The following STXBP4 variants were observed in gnomAD, a reference collection of about 807,000 sequenced individuals.
STXBP4 encodes syntaxin binding protein 4.
STXBP4 carries 55 observed loss-of-function variants against 76.1 expected under a neutral mutation model. That is an observed-to-expected ratio of 0.72 (90% CI 0.58 to 0.91). STXBP4 has a LOEUF of 0.91. STXBP4 is among the 40% of genes least tolerant of loss of function. The pLI is 0.00. For synonymous variants in STXBP4, 201 were observed against 220.2 expected (o/e 0.91, Z 0.77); for missense variants, 618 against 636.9 (o/e 0.97, Z 0.32).
In STXBP4 at chr17:54,998,809, G is replaced by A. The variant is rs562882557; in HGVS notation, c.181-536G>A. Among the ~76,000 whole-genome samples the A allele has an allele frequency of 3.4e-4, 51 of 151,666 alleles. 2 individuals are homozygous for A. The highest frequency in any genetic ancestry group is 2.5e-4 in the Non-Finnish European group (17 of 67,898). On this transcript the variant is annotated intron_variant, in intron 4 of 17. Coordinates refer to ENST00000376352, the MANE Select transcript of STXBP4 (RefSeq NM_178509.6). ...GAGACCAGCCTGGGCAATGTAATGA[G>A]ACCTCATCTCTACAAAAAATTTTGA...
chr17:54,999,203 G>T (rs926700196), intron 4 of STXBP4, 142 bp from the exon 5 acceptor site: 3 of 595,688 alleles, frequency 5.0e-6, no homozygotes, highest in Non-Finnish European at 8.8e-6. Flanking sequence ...AAGAGATTTT[G>T]CTACTGAGGT....
intron 4 of STXBP4, among the ~76,000 whole-genome samples, chr17:54,998,739 A>C (rs2077856387): frequency 6.6e-6 from 1 of 152,200 alleles, no homozygotes; most frequent in Non-Finnish European, 1.5e-5. Flanking sequence ...TAATCCGAGC[A>C]CTTTGGGAGG....
At chr17:55,034,397 A>G (rs186827183) in intron 10 of STXBP4, 138 bp downstream of exon 10, 386 of 522,896 alleles carry the variant, frequency 7.4e-4, no homozygotes, top group African/African-American at 6.2e-3. Context: ...ATACAAATCA[A>G]TTTAAAATCA....
At chr17:55,148,412 T>G in intron 17 of STXBP4, among the ~76,000 whole-genome samples, 1 of 152,204 alleles carries the variant, frequency 6.6e-6, no homozygotes, top group East Asian at 1.9e-4. Flanking sequence ...TAGGTAAATC[T>G]AATGCAATTA....
intron 1 of STXBP4, among the ~76,000 whole-genome samples, chr17:54,972,165 C>G (rs1165266369): frequency 1.3e-5 from 2 of 152,206 alleles, no homozygotes; most frequent in East Asian, 3.8e-4. Context: ...TTCTCTGTTA[C>G]AAGGTGAATT....
intron 16 of STXBP4, among the ~76,000 whole-genome samples, chr17:55,109,227 A>G (rs963763924): frequency 6.6e-6 from 1 of 152,174 alleles, no homozygotes; most frequent in Non-Finnish European, 1.5e-5. Flanking sequence ...CACTTTTGAG[A>G]TATTGATTTT....
intron 16 of STXBP4, among the ~76,000 whole-genome samples, chr17:55,130,227 G>T (rs536313441): frequency 6.6e-6 from 1 of 152,150 alleles, no homozygotes; most frequent in African/African-American, 2.4e-5. Context: ...CTTGATTTCC[G>T]TCATGCCATG....
chr17:55,158,004 A>G (rs2080300417), intron 17 of STXBP4, among the ~76,000 whole-genome samples: 1 of 152,188 alleles, frequency 6.6e-6, no homozygotes, highest in African/African-American at 2.4e-5. Context: ...TAGTAAAGAA[A>G]CCTATTCAAT....
chr17:55,135,613 T>G (rs534328861), intron 16 of STXBP4, among the ~76,000 whole-genome samples: 1 of 152,282 alleles, frequency 6.6e-6, no homozygotes, highest in East Asian at 1.9e-4. Flanking sequence ...AGATTCCTTT[T>G]TCATAGGAAA....
At chr17:55,131,091 C>T (rs1050498135) in intron 16 of STXBP4, among the ~76,000 whole-genome samples, 16 of 152,206 alleles carry the variant, frequency 1.1e-4, no homozygotes, top group Admixed American at 8.5e-4. Flanking sequence ...GAGGAACCTA[C>T]GTACTATTTT....
chr17:55,033,043 A>C (rs1288183485), intron 9 of STXBP4, among the ~76,000 whole-genome samples: 2 of 152,306 alleles, frequency 1.3e-5, no homozygotes, highest in Admixed American at 1.3e-4. Flanking sequence ...GAAAAAAGGA[A>C]CTCAGAAAAA....
intron 1 of STXBP4, among the ~76,000 whole-genome samples, chr17:54,972,564 T>C (rs2077416055): frequency 6.6e-6 from 1 of 152,254 alleles, no homozygotes; most frequent in Middle Eastern, 3.2e-3. Flanking sequence ...AGCCCCTTTA[T>C]GACATGTTTC....
chr17:55,025,089 C>T (rs989896534), intron 8 of STXBP4, among the ~76,000 whole-genome samples: 2 of 150,748 alleles, frequency 1.3e-5, no homozygotes, highest in Admixed American at 6.6e-5. Flanking sequence ...TGCAGTGAGC[C>T]GAGATCTCAC....
At chr17:55,151,943 A>G (rs940715700) in intron 17 of STXBP4, among the ~76,000 whole-genome samples, 4 of 152,248 alleles carry the variant, frequency 2.6e-5, no homozygotes, top group Admixed American at 6.5e-5. Context: ...TTTGGAAGTT[A>G]CTTGGATATG....
intron 12 of STXBP4, among the ~76,000 whole-genome samples, chr17:55,058,809 G>A (rs1488496769): frequency 2.0e-5 from 3 of 151,694 alleles, no homozygotes; most frequent in Admixed American, 6.6e-5. Context: ...TTTCTTTTTT[G>A]TGCAAAAATT....
At chr17:55,104,242 G>T (rs2079601602) in intron 16 of STXBP4, among the ~76,000 whole-genome samples, 1 of 152,182 alleles carries the variant, frequency 6.6e-6, no homozygotes, top group Non-Finnish European at 1.5e-5. Flanking sequence ...TGCCCATTCA[G>T]TATGATATTG....
chr17:55,210,852 A>T, the STXBP4 span, among the ~76,000 whole-genome samples: 6 of 152,210 alleles, frequency 3.9e-5, no homozygotes, highest in African/African-American at 1.4e-4. Flanking sequence ...ATTTGAAAAC[A>T]ATATTTCTTT....
chr17:55,097,605 A>G (rs1812715), intron 16 of STXBP4, among the ~76,000 whole-genome samples: 93,205 of 151,538 alleles, frequency 0.62, 30,107 homozygotes, highest in South Asian at 0.78. Context: ...GGAGCTTGCA[A>G]TGAGCTGAGG....
At chr17:55,211,648 T>A in the STXBP4 span, among the ~76,000 whole-genome samples, 5 of 152,110 alleles carry the variant, frequency 3.3e-5, no homozygotes, top group Non-Finnish European at 7.4e-5. Context: ...TTTTAATTTT[T>A]TTCTATATTT....
Sources: allele counts gnomAD v4.1 joint callset (sites outside exome capture counted in the v4.1 genomes callset), GRCh38; gene constraint gnomAD v4.1.1; transcripts MANE v1.5; gene names NCBI Gene and HGNC (gene_info 2026-07-23, HGNC 2026-07-21).